Variants in USP25 observed in about 807,000 individuals in gnomAD.
The protein encoded by USP25 is ubiquitin specific peptidase 25.
Under a neutral mutation model 158.5 loss-of-function variants are expected in USP25, and 85 were observed. The observed-to-expected ratio is 0.54, with a 90% CI of 0.45 to 0.64. The LOEUF (loss-of-function observed/expected upper bound fraction) is 0.64. USP25 is among the 30% of genes least tolerant of loss of function. The probability of loss-of-function intolerance (pLI) is 0.00; values close to 1 mark genes in which losing one functional copy is unlikely to be tolerated. For missense variants in USP25, 1,242 were observed against 1,327.3 expected (o/e 0.94, Z 1.00); for synonymous variants, 464 against 460.4 (o/e 1.01, Z -0.10).
intron 23 of USP25, among the ~76,000 whole-genome samples, chr21:15,871,812 G>C (rs2039894962): frequency 6.6e-6 from 1 of 151,790 alleles, no homozygotes; most frequent in Non-Finnish European, 1.5e-5. Flanking sequence ...ATCAATAATG[G>C]TGACAGATAT....
rs771007795 is a variant in USP25 at position 15,847,774 on chromosome 21, G to A, written c.2449G>A (p.Glu817Lys). The A allele has an allele frequency of 6.5e-6, 10 of 1,545,078 alleles. No individual in the cohort carries two copies. Among genetic ancestry groups the A allele is most frequent in the Middle Eastern group, 1.7e-4 (1 of 6,002 alleles). The part of the protein sequence containing the change: ...IESKEGGYDD[E>K]IMMTPNMQGI... Reference sequence around the variant, plus strand: ...ATCAAAGGAGGGGGGGTATGATGACGAGGTACCTTTTACAGCCCTCTGCAC... The same window carrying A: ...ATCAAAGGAGGGGGGGTATGATGACAAGGTACCTTTTACAGCCCTCTGCAC... Residue 817 changes from glutamate to lysine, a missense_variant and splice_region_variant, in exon 19 of 26, where the codon GAG becomes AAG. Coordinates refer to ENST00000400183, the MANE Select transcript of USP25 (RefSeq NM_001283041.3).
intron 1 of USP25, among the ~76,000 whole-genome samples, chr21:15,745,473 C>CTTT (rs11284817): frequency 4.0e-4 from 45 of 112,984 alleles, no homozygotes; most frequent in African/African-American, 6.1e-4. Context: ...TTTTTCTTTT[C>CTTT]TTTTTTTTTT....
At chr21:15,867,070 A>T (rs909654525) in intron 22 of USP25, among the ~76,000 whole-genome samples, 1 of 152,186 alleles carries the variant, frequency 6.6e-6, no homozygotes, top group African/African-American at 2.4e-5. Flanking sequence ...GAGCACTTAC[A>T]TAGGTACTTG....
chr21:15,761,306 G>T (rs1434866482), intron 1 of USP25, among the ~76,000 whole-genome samples: 1 of 152,142 alleles, frequency 6.6e-6, no homozygotes, highest in East Asian at 1.9e-4. Context: ...ACATGAGCAG[G>T]GCAGAAGGGG....
intron 18 of USP25, among the ~76,000 whole-genome samples, chr21:15,847,271 T>C (rs921379965): frequency 3.7e-4 from 56 of 152,146 alleles, no homozygotes; most frequent in Admixed American, 1.6e-3. Flanking sequence ...ATACAGACAA[T>C]AATAGAAAAT....
At chr21:15,828,762 C>A (rs1327979654) in intron 14 of USP25, among the ~76,000 whole-genome samples, 1 of 152,136 alleles carries the variant, frequency 6.6e-6, no homozygotes, top group Non-Finnish European at 1.5e-5. Context: ...CCTCAGCCTC[C>A]CAAGTAGCTG....
At chr21:15,738,766 C>G (rs1275415737) in intron 1 of USP25, among the ~76,000 whole-genome samples, 1 of 152,132 alleles carries the variant, frequency 6.6e-6, no homozygotes, top group East Asian at 1.9e-4. Flanking sequence ...AAATGAAATC[C>G]ACAAGCAGAC....
At chr21:15,764,354 C>T (rs140121231) in intron 2 of USP25, among the ~76,000 whole-genome samples, 21 of 147,804 alleles carry the variant, frequency 1.4e-4, no homozygotes, top group Admixed American at 4.1e-4. Flanking sequence ...ATATGTAGCT[C>T]GAATGAAGTC....
intron 10 of USP25, among the ~76,000 whole-genome samples, chr21:15,819,682 A>T (rs1301097441): frequency 1.3e-5 from 2 of 152,152 alleles, no homozygotes; most frequent in Admixed American, 1.3e-4. Flanking sequence ...TGAGGTCTTT[A>T]TACTGAATAG....
intron 11 of USP25, among the ~76,000 whole-genome samples, chr21:15,824,444 T>C (rs999038794): frequency 5.3e-5 from 8 of 152,226 alleles, no homozygotes; most frequent in South Asian, 2.1e-4. Flanking sequence ...TTACATCTTA[T>C]ACAATTTTGA....
At chr21:15,853,306 C>A (rs761867792) in intron 20 of USP25, among the ~76,000 whole-genome samples, 1 of 151,816 alleles carries the variant, frequency 6.6e-6, no homozygotes, top group African/African-American at 2.4e-5. Context: ...TGTGTACACA[C>A]AGGTACACAC....
Position 15,826,109 on chromosome 21 carries a change from T to A in USP25, c.1305-95T>A. Reference sequence around the variant, plus strand: ...AATGAATTTTATTGCTGAGGAAGTTTTATTGAAGTATCGTATCACGTTTTA... The same window carrying A: ...AATGAATTTTATTGCTGAGGAAGTTATATTGAAGTATCGTATCACGTTTTA... On this transcript the variant is annotated intron_variant, in intron 12 of 25. Coordinates refer to ENST00000400183, the MANE Select transcript of USP25 (RefSeq NM_001283041.3). The surrounding 1 kb of genome is among the most constrained non-coding windows in gnomAD (Gnocchi z 4.8). The A allele has an allele frequency of 7.8e-7, 1 of 1,285,482 alleles. No individual in the cohort carries two copies. The highest frequency in any genetic ancestry group is 1.5e-5 in the South Asian group (1 of 65,644). The allele number at this position is 1,285,482 out of a possible 1,614,324, so 79.6% of individuals were successfully genotyped here.
chr21:15,859,513 G>A (rs1209689738), intron 20 of USP25, among the ~76,000 whole-genome samples: 1 of 151,952 alleles, frequency 6.6e-6, no homozygotes, highest in Admixed American at 6.6e-5. Context: ...TTGTTTTTCT[G>A]GCTCTGTGGC....
At chr21:15,736,487 A>G (rs2031531591) in intron 1 of USP25, among the ~76,000 whole-genome samples, 1 of 152,170 alleles carries the variant, frequency 6.6e-6, no homozygotes, top group South Asian at 2.1e-4. Context: ...TCATCTGATT[A>G]TCCATTTATT....
intron 23 of USP25, among the ~76,000 whole-genome samples, chr21:15,872,728 C>T (rs910220759): frequency 2.6e-5 from 4 of 152,040 alleles, no homozygotes; most frequent in Non-Finnish European, 5.9e-5. Context: ...TATCATGACA[C>T]CTTCAGGTGT....
At chr21:15,783,296 T>C (rs1023169018) in intron 4 of USP25, among the ~76,000 whole-genome samples, 5 of 151,262 alleles carry the variant, frequency 3.3e-5, no homozygotes, top group Non-Finnish European at 7.4e-5. Context: ...ATTATGGGAG[T>C]GCCAGAGAAA....
intron 1 of USP25, among the ~76,000 whole-genome samples, chr21:15,738,916 T>C (rs571827139): frequency 2.6e-5 from 4 of 152,272 alleles, no homozygotes; most frequent in African/African-American, 7.2e-5. Context: ...TACCGGTGCA[T>C]GCAGCCCCCA....
In USP25 at chr21:15,812,648, C is replaced by T. The variant is rs539734745; in HGVS notation, c.931+1438C>T. 3.9e-3 allele frequency among the ~76,000 whole-genome samples: 556 copies of T among 143,324 alleles called. 2 individuals carry two copies. The highest frequency in any genetic ancestry group is 0.015 in the African/African-American group (531 of 36,274). The allele number at this position is 143,324 out of a possible 152,430, so 94.0% of individuals were successfully genotyped here. On this transcript the variant is annotated intron_variant, in intron 9 of 25. Coordinates refer to ENST00000400183, the MANE Select transcript of USP25 (RefSeq NM_001283041.3). ...CCTGGGAGACAGAGCGAGACTCCGT[C>T]TCAAAAAAAAAAAAAAAATTAATTT...
chr21:15,826,213 C>G lies in USP25; in HGVS notation c.1314C>G (p.Ser438Arg). 1 of 1,613,750 alleles carries G rather than the reference C, an allele frequency of 6.2e-7. No homozygotes were observed. The highest frequency in any genetic ancestry group is 1.1e-5 in the South Asian group (1 of 91,030). ...ATTTTATGATTAACAGATATTTAAG[C>G]TATGGTTCCGGTCCCAAACGATTCC... ...VLQQRLERYL[S>R]YGSGPKRFPL... Residue 438 changes from serine to arginine, a missense_variant, in exon 13 of 26, where the codon AGC becomes AGG. Physicochemically the swap from Ser to Arg is moderately radical, Grantham distance 110. Transcript: ENST00000400183. The surrounding 1 kb of genome is among the most constrained non-coding windows in gnomAD (Gnocchi z 4.8).
Sources: allele counts gnomAD v4.1 joint callset (sites outside exome capture counted in the v4.1 genomes callset), GRCh38; gene constraint gnomAD v4.1.1; non-coding constraint Gnocchi (gnomAD v3.1); transcripts MANE v1.5; gene names NCBI Gene and HGNC (gene_info 2026-07-23, HGNC 2026-07-21).